Variants in IL1RAPL2 observed in about 807,000 individuals in gnomAD.
IL1RAPL2 encodes the protein X-linked interleukin-1 receptor accessory protein-like 2.
Under a neutral mutation model 44.1 loss-of-function variants are expected in IL1RAPL2, and 3 were observed. The ratio of observed to expected loss-of-function variants is 0.07; its 90% CI spans 0.03 to 0.18. The LOEUF (loss-of-function observed/expected upper bound fraction) is 0.18. IL1RAPL2 is among the 10% of genes least tolerant of loss of function. The probability of loss-of-function intolerance (pLI) is 1.00; values close to 1 mark genes in which losing one functional copy is unlikely to be tolerated. For missense variants in IL1RAPL2, 391 were observed against 496.4 expected (o/e 0.79, Z 2.02); for synonymous variants, 181 against 178.8 (o/e 1.01, Z -0.10).
intron 6 of IL1RAPL2, among the ~76,000 whole-genome samples, chrX:105,536,677 T>G (rs2036679862): frequency 9.0e-6 from 1 of 111,608 alleles, no homozygotes; most frequent in African/African-American, 3.3e-5. Flanking sequence ...GAAGGAATCA[T>G]ATTATTTTGC....
chrX:104,903,785 C>A (rs892163218), intron 2 of IL1RAPL2, among the ~76,000 whole-genome samples: 6 of 110,398 alleles, frequency 5.4e-5, no homozygotes, highest in African/African-American at 2.0e-4. Context: ...TGCCGTGTTG[C>A]CCAGGCTGGT....
At chrX:105,002,728 G>T (rs1173837908) in intron 2 of IL1RAPL2, among the ~76,000 whole-genome samples, 1 of 107,610 alleles carries the variant, frequency 9.3e-6, no homozygotes, top group Non-Finnish European at 1.9e-5. Flanking sequence ...TAATCCTATA[G>T]GAAATGGGCA....
At chrX:105,400,796 C>T (rs1232935356) in intron 5 of IL1RAPL2, among the ~76,000 whole-genome samples, 1 of 111,757 alleles carries the variant, frequency 8.9e-6, no homozygotes, top group Admixed American at 9.5e-5. Flanking sequence ...AAGCAGCTAC[C>T]GTGTAAGTAA....
At chrX:104,585,370 T>TA (rs1928533077) in intron 1 of IL1RAPL2, among the ~76,000 whole-genome samples, 1 of 21,913 alleles carries the variant, frequency 4.6e-5, no homozygotes, top group African/African-American at 2.9e-4. Flanking sequence ...ATTATATATA[T>TA]TATATATAAT....
At chrX:104,935,116 A>G in intron 2 of IL1RAPL2, among the ~76,000 whole-genome samples, 1 of 112,151 alleles carries the variant, frequency 8.9e-6, no homozygotes, top group Non-Finnish European at 1.9e-5. Flanking sequence ...AACAATCCAC[A>G]ATTGTGATAT....
At chrX:105,612,600 C>T (rs1048802277) in intron 6 of IL1RAPL2, among the ~76,000 whole-genome samples, 15 of 112,212 alleles carry the variant, frequency 1.3e-4, no homozygotes. Flanking sequence ...CTGAAAGAGG[C>T]GCTGGAAGAA....
chrX:104,722,046 T>G (rs185638861), intron 2 of IL1RAPL2, among the ~76,000 whole-genome samples: 14 of 111,403 alleles, frequency 1.3e-4, no homozygotes, highest in African/African-American at 3.9e-4. Context: ...GTGCCTTGTT[T>G]AGTGCCCTGC....
chrX:105,363,370 T>C (rs1232735805), intron 5 of IL1RAPL2, among the ~76,000 whole-genome samples: 4 of 98,089 alleles, frequency 4.1e-5, no homozygotes, highest in African/African-American at 1.1e-4. Context: ...GTTGCTTCCA[T>C]ATCATTGCTA....
chrX:104,802,998 A>G lies in IL1RAPL2; in HGVS notation c.82+144003A>G, dbSNP rs190195251. ...TTGCTTATTTCACATACATTCTCTC[A>G]TTAATTCTTCTCAATGTGTCTATAA... On this transcript the variant is annotated intron_variant, in intron 2 of 10. Coordinates refer to ENST00000372582, the MANE Select transcript of IL1RAPL2 (RefSeq NM_017416.2). Among the ~76,000 whole-genome samples, 51 of 111,862 alleles carry G rather than the reference A, an allele frequency of 4.6e-4. No individual in the cohort carries two copies. In the East Asian group the frequency reaches 0.014, roughly 30 times the overall value.
intron 5 of IL1RAPL2, among the ~76,000 whole-genome samples, chrX:105,461,052 G>A (rs1290487397): frequency 8.9e-6 from 1 of 111,879 alleles, no homozygotes; most frequent in Non-Finnish European, 1.9e-5. Context: ...TGTAGAAAAT[G>A]TGAATTTCCT....
intron 2 of IL1RAPL2, among the ~76,000 whole-genome samples, chrX:104,822,551 G>T (rs1173562689): frequency 1.8e-5 from 2 of 111,694 alleles, no homozygotes; most frequent in Admixed American, 9.5e-5. Flanking sequence ...CAAAGATCAG[G>T]TGGTTGTAGA....
intron 3 of IL1RAPL2, chrX:105,220,624 G>A (rs1556180581): frequency 5.9e-6 from 2 of 341,111 alleles, no homozygotes; most frequent in Non-Finnish European, 1.0e-5. Flanking sequence ...GGAAGTACAG[G>A]CCAACCCCGC....
chrX:105,056,312 A>C (rs1346159790), intron 2 of IL1RAPL2, among the ~76,000 whole-genome samples: 2 of 111,843 alleles, frequency 1.8e-5, no homozygotes, highest in Admixed American at 9.5e-5. Flanking sequence ...TCAAAGTTCC[A>C]TTTCAATGCA....
intron 2 of IL1RAPL2, among the ~76,000 whole-genome samples, chrX:104,733,478 G>A (rs1602702851): frequency 1.8e-5 from 2 of 109,206 alleles, no homozygotes; most frequent in East Asian, 2.9e-4. Flanking sequence ...ACAAAAAACC[G>A]GGGTAGTGGC....
intron 2 of IL1RAPL2, among the ~76,000 whole-genome samples, chrX:104,676,508 C>T (rs923640102): frequency 1.5e-4 from 17 of 111,865 alleles, no homozygotes; most frequent in Non-Finnish European, 2.3e-4. Flanking sequence ...GGCAACCCGA[C>T]CTTTCTCTCT....
chrX:104,845,435 C>T (rs987704963), intron 2 of IL1RAPL2, among the ~76,000 whole-genome samples: 2 of 111,667 alleles, frequency 1.8e-5, no homozygotes. Context: ...AGTGGGAATA[C>T]AAGTGCCATA....
chrX:105,031,549 T>C (rs1204568591), intron 2 of IL1RAPL2, among the ~76,000 whole-genome samples: 2 of 112,179 alleles, frequency 1.8e-5, no homozygotes, highest in Non-Finnish European at 1.9e-5. Context: ...ATTACATTTA[T>C]TGATTTGTGT....
chrX:105,723,256 C>G (rs1416844245), intron 7 of IL1RAPL2, among the ~76,000 whole-genome samples: 1 of 111,499 alleles, frequency 9.0e-6, no homozygotes, highest in African/African-American at 3.3e-5. Context: ...ATGGCCTTCA[C>G]TTCAGTTTTC....
At chrX:105,204,896 C>A (rs1556150228) in intron 3 of IL1RAPL2, among the ~76,000 whole-genome samples, 1 of 111,833 alleles carries the variant, frequency 8.9e-6, no homozygotes, top group African/African-American at 3.3e-5. Context: ...CCTTGCTTTT[C>A]CTCACATGGA....
Sources: allele counts gnomAD v4.1 joint callset (sites outside exome capture counted in the v4.1 genomes callset), GRCh38; gene constraint gnomAD v4.1.1; transcripts MANE v1.5; gene names NCBI Gene and HGNC (gene_info 2026-07-23, HGNC 2026-07-21).